Variants in ZKSCAN4 observed in about 807,000 individuals in gnomAD.
ZKSCAN4 encodes zinc finger with KRAB and SCAN domains 4.
A neutral mutation model predicts 30.8 loss-of-function variants in ZKSCAN4; 23 were observed. The ratio of observed to expected loss-of-function variants is 0.75; its 90% confidence interval spans 0.54 to 1.06. The LOEUF is 1.06. Ranked by LOEUF, ZKSCAN4 falls within the 50% of genes least tolerant of loss-of-function variation. The probability of loss-of-function intolerance (pLI) is 0.00; values close to 1 mark genes in which losing one functional copy is unlikely to be tolerated. For synonymous variants in ZKSCAN4, 208 were observed against 252.5 expected (o/e 0.82, Z 1.67); for missense variants, 556 against 665.4 (o/e 0.84, Z 1.81).
rs1008381642 is a variant in ZKSCAN4, at chr6:28,242,546, T to C, written c.*2570A>G. On this transcript the variant is annotated 3_prime_UTR_variant, in exon 5 of 5. Transcript: ENST00000377294. ...CTTAAAATTTGCTTTATTTACTCAA[T>C]TGGACAAAGTTGTTGTGAGTCCATT... Among the ~76,000 whole-genome samples, 1 of 152,254 alleles carries C rather than the reference T, an allele frequency of 6.6e-6. No homozygotes were observed. The highest frequency in any genetic ancestry group is 1.5e-5 in the Non-Finnish European group (1 of 68,036).
Position 28,243,438 on chromosome 6 carries a change from T to G in ZKSCAN4, c.*1678A>C, listed in dbSNP as rs1760572338. The stretch of plus-strand genomic sequence containing the variant: ...GAATCCATTCATGACAGTCTGGCAA[T>G]GCTGGAAGATGGTAATAGGCACTTG... On this transcript the variant is annotated 3_prime_UTR_variant, in exon 5 of 5. Coordinates refer to ENST00000377294, the MANE Select transcript of ZKSCAN4 (RefSeq NM_019110.5). Among the ~76,000 whole-genome samples the G allele has an allele frequency of 6.6e-6, 1 of 152,190 alleles. No homozygotes were observed. The highest frequency in any genetic ancestry group is 2.4e-5 in the African/African-American group (1 of 41,444).
upstream of ZKSCAN4, among the ~76,000 whole-genome samples, chr6:28,254,443 G>A (rs973206650): frequency 2.6e-5 from 4 of 152,188 alleles, no homozygotes; most frequent in South Asian, 2.1e-4. Flanking sequence ...CACACTGGTG[G>A]GTATGTCTGG....
upstream of ZKSCAN4, among the ~76,000 whole-genome samples, chr6:28,257,016 C>T (rs1761199493): frequency 6.6e-6 from 1 of 152,198 alleles, no homozygotes; most frequent in Non-Finnish European, 1.5e-5. Flanking sequence ...TTTTGACCTA[C>T]AAGGGCAGAA....
chr6:28,251,799 T>A lies in ZKSCAN4; in HGVS notation c.182A>T (p.Tyr61Phe). ...RSRQRFRGFR[Y>F]PEAAGPREAL... ...CTCGCGGGGGCCCGCAGCCTCCGGG[T>A]AGCGGAAGCCTCGGAAGCGCTGGCG... Residue 61 changes from tyrosine to phenylalanine, a missense_variant, in exon 1 of 5, where the codon TAC becomes TTC. Transcript: ENST00000377294. This position sits in a 1 kb window ranked among gnomAD's most constrained non-coding sequence, Gnocchi z 4.5. 1 of 1,613,538 alleles carries A rather than the reference T, an allele frequency of 6.2e-7. No homozygotes were observed. The highest frequency in any genetic ancestry group is 8.5e-7 in the Non-Finnish European group (1 of 1,179,660).
Position 28,251,338 on chromosome 6 carries a change from A to G in ZKSCAN4, c.423+220T>C. 2.9e-6 allele frequency: 2 copies of G among 697,490 alleles called. No homozygotes were observed. The highest frequency in any genetic ancestry group is 3.6e-5 in the South Asian group (2 of 54,876). The allele number at this position is 697,490 out of a possible 1,614,324, so 43.2% of individuals were successfully genotyped here. A position where few individuals can be genotyped will look rare whatever the true frequency, so the allele number is the denominator to read the frequency against. On this transcript the variant is annotated intron_variant, in intron 1 of 4. Coordinates refer to ENST00000377294, the MANE Select transcript of ZKSCAN4 (RefSeq NM_019110.5). The surrounding 1 kb of genome is among the most constrained non-coding windows in gnomAD (Gnocchi z 4.5). The stretch of plus-strand genomic sequence containing the variant: ...TTTAATTCTTTGCTAACTGTATGTC[A>G]ATATAGTTGTGTTCTTTTGTAATCC...
Position 28,247,103 on chromosome 6 carries a change from A to G in ZKSCAN4, c.655-11T>C, listed in dbSNP as rs748843827. On this transcript the variant is annotated splice_polypyrimidine_tract_variant and intron_variant, in intron 3 of 4. Transcript: ENST00000377294. Reference sequence around the variant, plus strand: ...CATTTTCAGCAAACCCTAAAACAATAGGTAGTCCTAACTAGCTCCTCTTGC... The same window carrying G: ...CATTTTCAGCAAACCCTAAAACAATGGGTAGTCCTAACTAGCTCCTCTTGC... 4 of 1,599,240 alleles carry G rather than the reference A, an allele frequency of 2.5e-6. No individual in the cohort carries two copies. The highest frequency in any genetic ancestry group is 3.4e-6 in the Non-Finnish European group (4 of 1,172,888).
upstream of ZKSCAN4, among the ~76,000 whole-genome samples, chr6:28,252,390 A>C (rs1479673238): frequency 1.3e-5 from 2 of 152,104 alleles, no homozygotes; most frequent in Non-Finnish European, 2.9e-5. Context: ...ACGCAAGGGA[A>C]GGCAGTTAAG....
chr6:28,242,401 C>T lies in ZKSCAN4; in HGVS notation c.*2715G>A, dbSNP rs1760527028. ...TGATTTTATTTGATATTATATAATA[C>T]ACCAGATAAAGTTTCCTAGATAATA... is the stretch of plus-strand genomic sequence containing the variant. On this transcript the variant is annotated 3_prime_UTR_variant, in exon 5 of 5. Transcript: ENST00000377294. 1.3e-5 allele frequency among the ~76,000 whole-genome samples: 2 copies of T among 152,208 alleles called. No homozygotes were observed. Among genetic ancestry groups the T allele is most frequent in the South Asian group, 2.1e-4 (1 of 4,822 alleles).
rs555525981 is a variant in ZKSCAN4, at chr6:28,242,488, C to G, written c.*2628G>C. Among the ~76,000 whole-genome samples the G allele has an allele frequency of 2.6e-5, 4 of 152,306 alleles. No individual in the cohort carries two copies. In the South Asian group the frequency reaches 8.3e-4, roughly 32 times the overall value. On this transcript the variant is annotated 3_prime_UTR_variant, in exon 5 of 5. Coordinates refer to ENST00000377294, the MANE Select transcript of ZKSCAN4 (RefSeq NM_019110.5). ...CTGAATAAAATTTAAACTTTTTGCT[C>G]TGGCACTGAAGGCCCCTACAATGTC...
At position 28,245,316 on chromosome 6, in the gene ZKSCAN4, T is replaced by G; in HGVS notation, c.1438A>C (p.Asn480His). Residue 480 changes from asparagine (N) to histidine (H), a missense_variant, in exon 5 of 5, where the codon AAT (asparagine) becomes CAT (histidine). This residue lies in a region of ZKSCAN4 where 433 missense variants were observed against 511.5 expected (regional missense o/e 0.85). Coordinates refer to ENST00000377294, the MANE Select transcript of ZKSCAN4 (RefSeq NM_019110.5). ...TTATAAGACACGGGAGCCTCAGTAT[T>G]TTCCCACTGGCTTTCCGTCCTACCC... The part of the protein sequence containing the change: ...SQGRTESQWE[N>H]TEAPVSYKCN... The G allele has an allele frequency of 1.2e-6, 2 of 1,614,124 alleles. No individual in the cohort carries two copies. Among genetic ancestry groups the G allele is most frequent in the African/African-American group, 2.7e-5 (2 of 75,020 alleles).
chr6:28,245,419 T>G lies in ZKSCAN4; in HGVS notation c.1335A>C (p.Ser445=). Residue 445 remains serine, a synonymous_variant, in exon 5 of 5, where the codon TCA becomes TCC. Transcript: ENST00000377294. ...NMCGKAFRRN[S]HLLRHQRIHG... Reference sequence around the variant, plus strand: ...GAATCCTCTGATGTCTCAGGAGATGTGAATTCCGCCTAAAGGCTTTGCCAC... The same window carrying G: ...GAATCCTCTGATGTCTCAGGAGATGGGAATTCCGCCTAAAGGCTTTGCCAC... 1.2e-6 allele frequency: 2 copies of G among 1,614,246 alleles called. No individual in the cohort carries two copies. Among genetic ancestry groups the G allele is most frequent in the Non-Finnish European group, 1.7e-6 (2 of 1,180,042 alleles).
upstream of ZKSCAN4, among the ~76,000 whole-genome samples, chr6:28,252,986 ACCT>A (rs1477587786): frequency 6.6e-6 from 1 of 152,130 alleles, no homozygotes; most frequent in East Asian, 1.9e-4. Flanking sequence ...TAGCCAGGTT[ACCT>A]GTGTAATCCT....
chr6:28,248,022 G>C, intron 3 of ZKSCAN4, 45 bp downstream of exon 3: 2 of 1,455,442 alleles, frequency 1.4e-6, no homozygotes, highest in Non-Finnish European at 1.9e-6. Context: ...CCCAACAGTA[G>C]TGAAAGGTAT....
chr6:28,247,129 C>G, intron 3 of ZKSCAN4, 37 bp from the exon 4 acceptor site: 1 of 1,533,572 alleles, frequency 6.5e-7, no homozygotes, highest in Non-Finnish European at 8.8e-7. Context: ...CTCCTCTTGC[C>G]CAAAATTACC....
intron 3 of ZKSCAN4, 82 bp from the exon 4 acceptor site, chr6:28,247,174 G>C: frequency 2.8e-6 from 4 of 1,430,384 alleles, no homozygotes; most frequent in Non-Finnish European, 3.7e-6. Context: ...CTTTAAAGAG[G>C]CTCTTTAAAA....
At position 28,245,749 on chromosome 6, in the gene ZKSCAN4, C is replaced by A. The variant is rs765705551; in HGVS notation, c.1005G>T (p.Leu335=). The change falls in exon 5 of 5, where the codon CTG becomes CTT. Residue 335 remains leucine (L), a synonymous_variant. Transcript: ENST00000377294. ...CAGTGTGGATTCTCCTGTGTTTAGT[C>A]AGGCCTGAACTTTGAGCAAAACTCT... ...CGKSFAQSSG[L]TKHRRIHTGE... The A allele has an allele frequency of 1.3e-5, 21 of 1,614,230 alleles. No individual in the cohort carries two copies. In the Middle Eastern group the frequency reaches 1.2e-3, roughly 89 times the overall value.
At chr6:28,248,332 C>T (rs1760830332) in intron 2 of ZKSCAN4, among the ~76,000 whole-genome samples, 183 bp from the exon 3 acceptor site, 1 of 152,204 alleles carries the variant, frequency 6.6e-6, no homozygotes, top group African/African-American at 2.4e-5. Flanking sequence ...GTCTGGTGCA[C>T]TCTGCAGATA....
chr6:28,251,989 A>C lies in ZKSCAN4; in HGVS notation c.-9T>G. 6.6e-7 allele frequency: 1 copy of C among 1,514,672 alleles called. No individual in the cohort carries two copies. Among genetic ancestry groups the C allele is most frequent in the South Asian group, 1.4e-5 (1 of 73,198 alleles). 93.8% of individuals were successfully genotyped at this position (1,514,672 alleles called of 1,614,324 possible). A position where few individuals can be genotyped will look rare whatever the true frequency, so the allele number is the denominator to read the frequency against. On this transcript the variant is annotated 5_prime_UTR_variant, in exon 1 of 5. Transcript: ENST00000377294. This position sits in a 1 kb window ranked among gnomAD's most constrained non-coding sequence, Gnocchi z 4.5. Reference sequence around the variant, plus strand: ...CTCGGTTCTCTAGCCATTCTGACCCAAGGCAGTACTCGGGTCTCACTCTAG... The same window carrying C: ...CTCGGTTCTCTAGCCATTCTGACCCCAGGCAGTACTCGGGTCTCACTCTAG...
At position 28,251,878 on chromosome 6, in the gene ZKSCAN4, A is replaced by C; in HGVS notation, c.103T>G (p.Leu35Val). Residue 35 changes from leucine (L) to valine (V), a missense_variant, in exon 1 of 5, where the codon TTG (leucine) becomes GTG (valine). Around this residue, in one of 3 missense-constraint regions of ZKSCAN4, gnomAD observed 115 missense variants for 125.9 expected, o/e 0.91. Transcript: ENST00000377294. This position sits in a 1 kb window ranked among gnomAD's most constrained non-coding sequence, Gnocchi z 4.5. The part of the protein sequence containing the change: ...VKVEKEEASA[L>V]TAEVRAPCSP... ...CAGGGTGCTCTCACCTCCGCCGTCA[A>C]GGCGGAGGCTTCCTCCTTCTCCACC... 2.6e-6 allele frequency: 4 copies of C among 1,554,584 alleles called. No homozygotes were observed. Among genetic ancestry groups the C allele is most frequent in the Non-Finnish European group, 3.5e-6 (4 of 1,155,832 alleles).
Sources: gnomAD v4.1 joint callset for allele counts (sites outside exome capture counted in the v4.1 genomes callset) on GRCh38, gnomAD v4.1.1 for gene constraint, gnomAD v4.1.1 regional missense constraint, Gnocchi (gnomAD v3.1) non-coding constraint, MANE v1.5 for transcripts, NCBI Gene and HGNC (gene_info 2026-07-23, HGNC 2026-07-21) for gene names.